FMN2: variants seen among roughly 807,000 people sequenced by gnomAD.
FMN2 encodes the protein formin-2.
A neutral mutation model predicts 142.3 loss-of-function variants in FMN2; 51 were observed. That is an observed-to-expected ratio of 0.36 (90% CI 0.29 to 0.45). The LOEUF is 0.45. Ranked by LOEUF, FMN2 falls within the 20% of genes least tolerant of loss-of-function variation. The probability of loss-of-function intolerance (pLI) is 1.00; values close to 1 mark genes in which losing one functional copy is unlikely to be tolerated. For missense variants in FMN2, 1,936 were observed against 2,122.8 expected, an observed-to-expected ratio of 0.91 and a Z score of 1.73; for synonymous variants, 882 against 869.8, an observed-to-expected ratio of 1.01 and a Z score of -0.25.
intron 1 of FMN2, among the ~76,000 whole-genome samples, chr1:240,110,040 T>C (rs534261705): frequency 2.0e-5 from 3 of 151,990 alleles, no homozygotes; most frequent in South Asian, 2.1e-4. Flanking sequence ...CAGTGTGTTC[T>C]ACACAGACTG....
At chr1:240,339,125 C>G (rs945188246) in intron 13 of FMN2, among the ~76,000 whole-genome samples, 1 of 152,148 alleles carries the variant, frequency 6.6e-6, no homozygotes, top group African/African-American at 2.4e-5. Context: ...TTGCTGGCCA[C>G]TCACCTCCTG....
intron 4 of FMN2, among the ~76,000 whole-genome samples, chr1:240,205,785 G>A (rs1018756951): frequency 9.6e-5 from 14 of 145,264 alleles, no homozygotes; most frequent in African/African-American, 2.3e-4. Flanking sequence ...TACTCAAAAC[G>A]TTTTTTTTTT....
intron 15 of FMN2, 43 bp downstream of exon 15, chr1:240,392,605 T>G: frequency 5.3e-6 from 8 of 1,503,734 alleles, no homozygotes; most frequent in Non-Finnish European, 7.2e-6. Context: ...CGTTATAACA[T>G]GCTAAGTGTA....
intron 15 of FMN2, among the ~76,000 whole-genome samples, chr1:240,416,074 A>G (rs940313645): frequency 6.6e-6 from 1 of 152,132 alleles, no homozygotes; most frequent in Non-Finnish European, 1.5e-5. Flanking sequence ...TCCTGCACAC[A>G]TCAGTCTCCT....
intron 8 of FMN2, among the ~76,000 whole-genome samples, chr1:240,297,738 A>G (rs10926205): frequency 3.3e-5 from 5 of 152,040 alleles, no homozygotes; most frequent in African/African-American, 1.2e-4. Context: ...GAAAGTAGAA[A>G]AAGTACTGTG....
intron 5 of FMN2, among the ~76,000 whole-genome samples, chr1:240,209,730 T>C (rs370418645): frequency 8.7e-4 from 131 of 150,718 alleles, no homozygotes; most frequent in African/African-American, 2.9e-3. Flanking sequence ...CGGTGAAACC[T>C]CGTCTCTACT....
At chr1:240,458,447 C>T (rs987120819) in intron 16 of FMN2, 33 of 152,092 alleles carry the variant, frequency 2.2e-4, no homozygotes, top group Admixed American at 3.9e-4. Context: ...TAAGTTCTCC[C>T]GCCCCATAGC....
Position 240,257,939 on chromosome 1 carries a change from G to T in FMN2, c.4066-6G>T, listed in dbSNP as rs770156287. 8.7e-6 allele frequency: 14 copies of T among 1,610,500 alleles called. No individual in the cohort carries two copies. Among genetic ancestry groups the T allele is most frequent in the African/African-American group, 1.3e-5 (1 of 74,660 alleles). On this transcript the variant is annotated splice_polypyrimidine_tract_variant and splice_region_variant and intron_variant, in intron 6 of 17. Coordinates refer to ENST00000319653, the MANE Select transcript of FMN2 (RefSeq NM_020066.5). ...ATTTTCCCCTTTTACTTTCTTTCTCGAGCAGGTTGTCAAGTTATTAAGCAA... is the reference window on the plus strand; with the variant it reads ...ATTTTCCCCTTTTACTTTCTTTCTCTAGCAGGTTGTCAAGTTATTAAGCAA...
At chr1:240,184,592 T>A (rs902097302) in intron 3 of FMN2, among the ~76,000 whole-genome samples, 1 of 151,448 alleles carries the variant, frequency 6.6e-6, no homozygotes, top group Non-Finnish European at 1.5e-5. Flanking sequence ...GTGGCCATTT[T>A]AAATGTACCC....
intron 3 of FMN2, among the ~76,000 whole-genome samples, chr1:240,185,462 G>T (rs1665402365): frequency 6.6e-6 from 1 of 152,158 alleles, no homozygotes; most frequent in Non-Finnish European, 1.5e-5. Context: ...TAATGAAAGG[G>T]ATGGGATTGG....
chr1:240,422,341 C>T (rs1421291590), intron 15 of FMN2, among the ~76,000 whole-genome samples: 6 of 152,178 alleles, frequency 3.9e-5, no homozygotes, highest in African/African-American at 1.4e-4. Context: ...TTGGGAAGAA[C>T]TGACGTCTTG....
intron 2 of FMN2, among the ~76,000 whole-genome samples, chr1:240,167,497 T>C (rs190956702): frequency 6.6e-6 from 1 of 152,330 alleles, no homozygotes; most frequent in East Asian, 1.9e-4. Context: ...TTTAATCTTT[T>C]GATGTTATCT....
At chr1:240,384,481 T>C (rs1334525071) in intron 14 of FMN2, among the ~76,000 whole-genome samples, 1 of 152,146 alleles carries the variant, frequency 6.6e-6, no homozygotes, top group Non-Finnish European at 1.5e-5. Flanking sequence ...TCTTTCTTCT[T>C]GACATCTCGA....
intron 16 of FMN2, among the ~76,000 whole-genome samples, chr1:240,455,641 G>GTA (rs1238372783): frequency 6.6e-6 from 1 of 152,006 alleles, no homozygotes; most frequent in Non-Finnish European, 1.5e-5. Context: ...TCATGCTACT[G>GTA]TACTCTGGCC....
chr1:240,270,404 A>G (rs532137607), intron 7 of FMN2, among the ~76,000 whole-genome samples: 8 of 152,240 alleles, frequency 5.3e-5, no homozygotes, highest in Non-Finnish European at 1.2e-4. Context: ...CCCAAAGGGA[A>G]TGACTTCAGT....
At chr1:240,231,141 C>A (rs1030466251) in intron 6 of FMN2, among the ~76,000 whole-genome samples, 1 of 131,742 alleles carries the variant, frequency 7.6e-6, no homozygotes, top group Non-Finnish European at 1.6e-5. Flanking sequence ...CTGCCACACA[C>A]GAAGCAGGTA....
In FMN2 at chr1:240,473,997, C is replaced by G; in HGVS notation, c.5143-131C>G. Reference sequence around the variant, plus strand: ...CACTTATACTTTTTTCCTTTATGGACTGGTAGACCTTTAACCTTGTCCCAC... The same window carrying G: ...CACTTATACTTTTTTCCTTTATGGAGTGGTAGACCTTTAACCTTGTCCCAC... On this transcript the variant is annotated intron_variant, in intron 17 of 17. Transcript: ENST00000319653. This position sits in a 1 kb window ranked among gnomAD's most constrained non-coding sequence, Gnocchi z 4.3. 2.9e-6 allele frequency: 2 copies of G among 697,512 alleles called. No homozygotes were observed. Among genetic ancestry groups the G allele is most frequent in the Non-Finnish European group, 4.7e-6 (2 of 430,054 alleles). The allele number at this position is 697,512 out of a possible 1,614,324, so 43.2% of individuals were successfully genotyped here.
At chr1:240,121,506 G>A (rs1662247297) in intron 1 of FMN2, among the ~76,000 whole-genome samples, 1 of 151,236 alleles carries the variant, frequency 6.6e-6, no homozygotes, top group African/African-American at 2.4e-5. Context: ...CTCCCAAGTA[G>A]CTGGGACTAC....
chr1:240,165,255 A>G (rs1332882800), intron 2 of FMN2, among the ~76,000 whole-genome samples: 1 of 152,178 alleles, frequency 6.6e-6, no homozygotes, highest in Non-Finnish European at 1.5e-5. Flanking sequence ...AGCTCACTGC[A>G]GCCTCAACCT....
Sources: allele counts gnomAD v4.1 joint callset (sites outside exome capture counted in the v4.1 genomes callset), GRCh38; gene constraint gnomAD v4.1.1; non-coding constraint Gnocchi (gnomAD v3.1); transcripts MANE v1.5; gene names NCBI Gene and HGNC (gene_info 2026-07-23, HGNC 2026-07-21).